RHOA: variants seen among roughly 807,000 people sequenced by gnomAD.
RHOA encodes ras homolog family member A.
In RHOA, 3 loss-of-function variants were observed where a neutral mutation model predicts 17.5. That is an observed-to-expected ratio of 0.17 (90% confidence interval 0.08 to 0.44). The LOEUF is 0.44. Among genes scored for constraint, RHOA ranks in the 20% least tolerant of loss-of-function variants. The pLI is 0.99. For missense variants in RHOA, 56 were observed against 242.3 expected, an observed-to-expected ratio of 0.23 and a Z score of 5.10; for synonymous variants, 98 against 88.4, an observed-to-expected ratio of 1.11 and a Z score of -0.61.
At chr3:49,410,377 G>A (rs2048912977) in intron 1 of RHOA, among the ~76,000 whole-genome samples, 1 of 152,174 alleles carries the variant, frequency 6.6e-6, no homozygotes, top group Non-Finnish European at 1.5e-5. Flanking sequence ...GAACTACACA[G>A]TATTCCTACT....
intron 1 of RHOA, among the ~76,000 whole-genome samples, chr3:49,381,265 C>T (rs148604347): frequency 1.3e-4 from 19 of 151,830 alleles, no homozygotes; most frequent in Non-Finnish European, 2.4e-4. Context: ...ATAAGTTGGA[C>T]GTAGTGGCAT....
chr3:49,408,303 C>T (rs6446269), intron 1 of RHOA, among the ~76,000 whole-genome samples: 148,137 of 151,822 alleles, frequency 0.98, 72,380 homozygotes, highest in Middle Eastern at 1. Context: ...TATACATATA[C>T]ACACACACAC....
intron 1 of RHOA, among the ~76,000 whole-genome samples, chr3:49,407,861 C>G (rs1346098502): frequency 6.6e-6 from 1 of 151,780 alleles, no homozygotes; most frequent in African/African-American, 2.4e-5. Context: ...AAGATACTAT[C>G]ATAAATATGC....
intron 2 of RHOA, among the ~76,000 whole-genome samples, chr3:49,372,972 G>A (rs2048169412): frequency 6.6e-6 from 1 of 152,104 alleles, no homozygotes; most frequent in Non-Finnish European, 1.5e-5. Flanking sequence ...CTGAGCAGCT[G>A]ATCTAACCCA....
At chr3:49,367,807 C>T (rs959508067) in intron 3 of RHOA, among the ~76,000 whole-genome samples, 2 of 151,794 alleles carry the variant, frequency 1.3e-5, no homozygotes, top group African/African-American at 4.8e-5. Context: ...CAGGTGTCAG[C>T]CGCCGCACCA....
chr3:49,359,521 C>T lies in RHOA; in HGVS notation c.*688G>A, dbSNP rs1359665045. The T allele has an allele frequency of 5.0e-6, 1 of 199,554 alleles. No individual in the cohort carries two copies. The highest frequency in any genetic ancestry group is 1.0e-5 in the Non-Finnish European group (1 of 96,666). 12.4% of individuals were successfully genotyped at this position (199,554 alleles called of 1,614,324 possible). On this transcript the variant is annotated 3_prime_UTR_variant, in exon 5 of 5. Coordinates refer to ENST00000418115, the MANE Select transcript of RHOA (RefSeq NM_001664.4). Reference sequence around the variant, plus strand: ...TGAATTTTCCATCTGACTTTATTTCCAAATACACTTTCTTTTTTAAAAAAC... The same window carrying T: ...TGAATTTTCCATCTGACTTTATTTCTAAATACACTTTCTTTTTTAAAAAAC...
chr3:49,378,446 C>T (rs2048268313), intron 1 of RHOA, among the ~76,000 whole-genome samples: 1 of 151,912 alleles, frequency 6.6e-6, no homozygotes, highest in African/African-American at 2.4e-5. Context: ...AGGGTTTTGC[C>T]ATGTTTCCCA....
chr3:49,381,556 C>A (rs2048317452), intron 1 of RHOA, among the ~76,000 whole-genome samples: 1 of 150,992 alleles, frequency 6.6e-6, no homozygotes, highest in Non-Finnish European at 1.5e-5. Flanking sequence ...GCCTGGGCAA[C>A]ACAGTGAGAC....
At chr3:49,360,417 T>C (rs1254011196) in intron 4 of RHOA, 35 bp from the exon 5 acceptor site, 6 of 1,570,132 alleles carry the variant, frequency 3.8e-6, no homozygotes, top group Non-Finnish European at 5.2e-6. Flanking sequence ...TTTTAGCTAA[T>C]AGTGTGGCAT....
chr3:49,404,940 CA>C (rs1234076692), intron 1 of RHOA, among the ~76,000 whole-genome samples: 80 of 91,974 alleles, frequency 8.7e-4, no homozygotes, highest in Admixed American at 2.6e-3. Flanking sequence ...CTCTTGTCTC[CA>C]AAAAAAAAAA....
intron 1 of RHOA, among the ~76,000 whole-genome samples, chr3:49,396,710 A>C (rs895075243): frequency 1.3e-5 from 2 of 151,918 alleles, no homozygotes; most frequent in Non-Finnish European, 2.9e-5. Flanking sequence ...ATCACACACA[A>C]AAAAAGTCAG....
chr3:49,395,476 TGA>T (rs1370941987), intron 1 of RHOA, among the ~76,000 whole-genome samples: 1 of 151,998 alleles, frequency 6.6e-6, no homozygotes, highest in Non-Finnish European at 1.5e-5. Context: ...TTTGGGAGAC[TGA>T]GAGGGGTGCA....
chr3:49,389,549 T>C (rs2048460555), intron 1 of RHOA, among the ~76,000 whole-genome samples: 1 of 152,122 alleles, frequency 6.6e-6, no homozygotes, highest in Non-Finnish European at 1.5e-5. Flanking sequence ...ATTCCTCTGC[T>C]GAAAAAGAGT....
chr3:49,393,749 G>A (rs2048563177), intron 1 of RHOA, among the ~76,000 whole-genome samples: 2 of 145,958 alleles, frequency 1.4e-5, no homozygotes, highest in African/African-American at 2.6e-5. Context: ...TCGCTCTGTC[G>A]CCCAGGCTGG....
intron 1 of RHOA, among the ~76,000 whole-genome samples, chr3:49,408,855 C>A (rs953048470): frequency 6.6e-5 from 10 of 150,928 alleles, no homozygotes; most frequent in Admixed American, 5.3e-4. Context: ...CACAGTGGCG[C>A]GATCTCAGCT....
At chr3:49,398,876 T>G (rs1575279673) in intron 1 of RHOA, among the ~76,000 whole-genome samples, 1 of 114,272 alleles carries the variant, frequency 8.8e-6, no homozygotes, top group African/African-American at 3.4e-5. Context: ...AAAAAAGAAT[T>G]TTGCTGTCTG....
chr3:49,374,053 T>A (rs1457219289), intron 2 of RHOA, among the ~76,000 whole-genome samples: 1 of 151,524 alleles, frequency 6.6e-6, no homozygotes, highest in African/African-American at 2.4e-5. Context: ...TATGTTAAAG[T>A]AAAAAAAAAT....
At position 49,359,245 on chromosome 3, in the gene RHOA, G is replaced by T. The variant is rs1489063535; in HGVS notation, c.*964C>A. The T allele has an allele frequency of 5.2e-6, 1 of 192,806 alleles. No individual in the cohort carries two copies. The highest frequency in any genetic ancestry group is 8.2e-5 in the East Asian group (1 of 12,122). 11.9% of individuals were successfully genotyped at this position (192,806 alleles called of 1,614,324 possible). ...AGAAGAGAGACTGAGTGCCACCCAT[G>T]AGAACTGGTGGCTCCTCTGGGAGGG... is the stretch of plus-strand genomic sequence containing the variant. On this transcript the variant is annotated 3_prime_UTR_variant, in exon 5 of 5. Coordinates refer to ENST00000418115, the MANE Select transcript of RHOA (RefSeq NM_001664.4).
intron 1 of RHOA, among the ~76,000 whole-genome samples, chr3:49,387,343 C>G (rs546388087): frequency 6.7e-6 from 1 of 149,624 alleles, no homozygotes; most frequent in Admixed American, 6.8e-5. Flanking sequence ...ACTTGGGAGG[C>G]TGAGGCAGGA....
Sources: gnomAD v4.1 joint callset for allele counts (sites outside exome capture counted in the v4.1 genomes callset) on GRCh38, gnomAD v4.1.1 for gene constraint, MANE v1.5 for transcripts, NCBI Gene and HGNC (gene_info 2026-07-23, HGNC 2026-07-21) for gene names.